Variants in MOXD1 observed in about 807,000 individuals in gnomAD.
MOXD1 encodes monooxygenase DBH like 1, also known as DBH-like monooxygenase protein 1.
A neutral mutation model predicts 66.6 loss-of-function variants in MOXD1; 62 were observed. That is an observed-to-expected ratio of 0.93 (90% CI 0.76 to 1.15). The LOEUF (loss-of-function observed/expected upper bound fraction) is 1.15, where lower values mean the gene tolerates loss of function less well. Among genes scored for constraint, MOXD1 ranks in the 50% most tolerant of loss-of-function variants. The pLI, the probability that MOXD1 is intolerant of heterozygous loss-of-function variation, is 0.00. For missense variants in MOXD1, 847 were observed against 754.6 expected, an observed-to-expected ratio of 1.12 and a Z score of -1.44; for synonymous variants, 303 against 281.9, an observed-to-expected ratio of 1.07 and a Z score of -0.75.
At chr6:132,391,172 A>G (rs758971428) in intron 1 of MOXD1, 3 of 151,402 alleles carry the variant, frequency 2.0e-5, no homozygotes, top group Non-Finnish European at 4.4e-5. Flanking sequence ...AATCAACCGA[A>G]ATATGAGCTC....
chr6:132,372,739 C>T (rs375616768), intron 3 of MOXD1, 48 bp from the exon 4 acceptor site: 97 of 1,606,896 alleles, frequency 6.0e-5, no homozygotes, highest in Middle Eastern at 1.6e-4. Flanking sequence ...CTTCTCTTAA[C>T]ATGCTCCTGA....
intron 1 of MOXD1, among the ~76,000 whole-genome samples, chr6:132,378,523 T>TA (rs1351107221): frequency 1.3e-5 from 2 of 151,974 alleles, no homozygotes; most frequent in Non-Finnish European, 2.9e-5. Context: ...AGAAAAAGAT[T>TA]AAAAAAAGCA....
chr6:132,387,751 TAAAAAAAAAAAA>T (rs56728324), intron 1 of MOXD1, among the ~76,000 whole-genome samples: 1 of 69,516 alleles, frequency 1.4e-5, no homozygotes, highest in Non-Finnish European at 3.0e-5. Context: ...AAACTCCATC[TAAAAAAAAAAAA>T]AAAAAAAAAA....
chr6:132,385,957 G>C (rs141352450), intron 1 of MOXD1, among the ~76,000 whole-genome samples: 3,962 of 150,862 alleles, frequency 0.026, 165 homozygotes, highest in African/African-American at 0.092. Flanking sequence ...CAAAAAATTA[G>C]CTGGGCGTGG....
chr6:132,365,033 T>G (rs912234937), intron 4 of MOXD1, among the ~76,000 whole-genome samples: 1 of 152,192 alleles, frequency 6.6e-6, no homozygotes, highest in African/African-American at 2.4e-5. Context: ...CTTTCTGTGT[T>G]TAGAACCAGC....
intron 4 of MOXD1, among the ~76,000 whole-genome samples, chr6:132,362,268 T>C (rs182955176): frequency 7.4e-4 from 112 of 152,298 alleles, no homozygotes; most frequent in Admixed American, 4.1e-3. Context: ...ACTTATTCTA[T>C]AAATTTCCAA....
intron 6 of MOXD1, among the ~76,000 whole-genome samples, chr6:132,327,388 C>G (rs1775212536): frequency 6.6e-6 from 1 of 152,046 alleles, no homozygotes; most frequent in Admixed American, 6.6e-5. Context: ...AGTTGGAGCT[C>G]AGTATTTGCT....
chr6:132,380,133 A>C (rs1776479777), intron 1 of MOXD1, among the ~76,000 whole-genome samples: 1 of 152,144 alleles, frequency 6.6e-6, no homozygotes, highest in Non-Finnish European at 1.5e-5. Context: ...TTTGAAAACA[A>C]ACCTACCTTT....
intron 10 of MOXD1, among the ~76,000 whole-genome samples, chr6:132,302,297 C>A (rs1305352535): frequency 6.6e-6 from 1 of 152,068 alleles, no homozygotes; most frequent in Non-Finnish European, 1.5e-5. Flanking sequence ...GAAATAAAAA[C>A]AACCTAGTAC....
intron 9 of MOXD1, among the ~76,000 whole-genome samples, chr6:132,316,156 A>G (rs1291132437): frequency 7.4e-6 from 1 of 135,000 alleles, no homozygotes; most frequent in Non-Finnish European, 1.5e-5. Context: ...GTGTATAAAC[A>G]TTAGCAGCTG....
At chr6:132,359,445 T>C (rs1775969584) in intron 4 of MOXD1, among the ~76,000 whole-genome samples, 1 of 151,868 alleles carries the variant, frequency 6.6e-6, no homozygotes. Flanking sequence ...ATTTCTATTT[T>C]AGAGAATATG....
chr6:132,383,806 G>A (rs921402533), intron 1 of MOXD1, among the ~76,000 whole-genome samples: 1 of 152,024 alleles, frequency 6.6e-6, no homozygotes, highest in Non-Finnish European at 1.5e-5. Flanking sequence ...GCAGTGGCTC[G>A]CACCTGTAAT....
intron 1 of MOXD1, chr6:132,392,162 C>T: frequency 3.2e-6 from 5 of 1,540,072 alleles, no homozygotes; most frequent in Non-Finnish European, 3.5e-6. Context: ...ACATCGTTAA[C>T]CACAAAGAAT....
chr6:132,400,012 C>T (rs1026958046), intron 1 of MOXD1, among the ~76,000 whole-genome samples: 1 of 152,016 alleles, frequency 6.6e-6, no homozygotes, highest in Admixed American at 6.6e-5. Flanking sequence ...GGGGAAGAAA[C>T]GATTAATTTA....
At chr6:132,327,527 T>A (rs1045202127) in intron 6 of MOXD1, among the ~76,000 whole-genome samples, 1 of 152,214 alleles carries the variant, frequency 6.6e-6, no homozygotes, top group Non-Finnish European at 1.5e-5. Context: ...TGTACATCCT[T>A]ACATTTCTTT....
chr6:132,399,550 A>G (rs1776973774), intron 1 of MOXD1, among the ~76,000 whole-genome samples: 1 of 152,226 alleles, frequency 6.6e-6, no homozygotes, highest in African/African-American at 2.4e-5. Flanking sequence ...TGGTGGGCCT[A>G]TTATGGCATG....
At chr6:132,380,698 T>C (rs936943128) in intron 1 of MOXD1, among the ~76,000 whole-genome samples, 3 of 152,204 alleles carry the variant, frequency 2.0e-5, no homozygotes, top group African/African-American at 7.2e-5. Context: ...TATAAATTTG[T>C]GCCTTTAGAA....
At chr6:132,342,385 C>T (rs1775582793) in intron 4 of MOXD1, among the ~76,000 whole-genome samples, 1 of 152,212 alleles carries the variant, frequency 6.6e-6, no homozygotes, top group Non-Finnish European at 1.5e-5. Context: ...TAAAACTATA[C>T]TCAGTTCTGT....
At chr6:132,348,010 T>C (rs1409113387) in intron 4 of MOXD1, among the ~76,000 whole-genome samples, 4 of 152,136 alleles carry the variant, frequency 2.6e-5, no homozygotes, top group Non-Finnish European at 5.9e-5. Flanking sequence ...CTGCATTAAA[T>C]AAACACTGGC....
Sources: allele counts gnomAD v4.1 joint callset (sites outside exome capture counted in the v4.1 genomes callset), GRCh38; gene constraint gnomAD v4.1.1; transcripts MANE v1.5; gene names NCBI Gene and HGNC (gene_info 2026-07-23, HGNC 2026-07-21).